The following RAP1GAP2 variants were observed in gnomAD, a reference collection of about 807,000 sequenced individuals.
RAP1GAP2 encodes RAP1 GTPase activating protein 2.
In RAP1GAP2, 27 loss-of-function variants were observed where a neutral mutation model predicts 95.0. The observed-to-expected ratio is 0.28, with a 90% CI of 0.21 to 0.39. The LOEUF (loss-of-function observed/expected upper bound fraction) is 0.39. RAP1GAP2 is among the 10% of genes least tolerant of loss of function. The probability of loss-of-function intolerance (pLI) is 1.00; values close to 1 mark genes in which losing one functional copy is unlikely to be tolerated. For synonymous variants in RAP1GAP2, 373 were observed against 380.9 expected, an observed-to-expected ratio of 0.98 and a Z score of 0.24; for missense variants, 771 against 970.0, an observed-to-expected ratio of 0.79 and a Z score of 2.72.
intron 8 of RAP1GAP2, among the ~76,000 whole-genome samples, chr17:2,967,928 A>T (rs1438929550): frequency 6.6e-6 from 1 of 152,182 alleles, no homozygotes; most frequent in Non-Finnish European, 1.5e-5. Flanking sequence ...AGTAGCCAAG[A>T]AGAATCTACC....
intron 1 of RAP1GAP2, among the ~76,000 whole-genome samples, chr17:2,789,206 CCCA>C (rs1418566826): frequency 2.0e-5 from 3 of 151,988 alleles, no homozygotes; most frequent in African/African-American, 7.3e-5. Context: ...GCCATCATGC[CCCA>C]CTAATTTTTG....
chr17:2,948,537 A>C (rs2043792605), intron 3 of RAP1GAP2, among the ~76,000 whole-genome samples: 1 of 151,214 alleles, frequency 6.6e-6, no homozygotes, highest in Admixed American at 6.6e-5. Context: ...CAGGGAGGGC[A>C]CAGGGTGGTG....
chr17:2,835,266 C>T (rs1186412708), intron 2 of RAP1GAP2, among the ~76,000 whole-genome samples: 1 of 152,112 alleles, frequency 6.6e-6, no homozygotes, highest in Non-Finnish European at 1.5e-5. Context: ...GTCACCCAGG[C>T]TGGAGTGCAT....
At chr17:2,977,907 C>G (rs1289558897) in intron 8 of RAP1GAP2, among the ~76,000 whole-genome samples, 1 of 151,966 alleles carries the variant, frequency 6.6e-6, no homozygotes, top group Non-Finnish European at 1.5e-5. Context: ...AAATAAAATA[C>G]AGTAGTCTCC....
chr17:3,027,416 G>A lies in RAP1GAP2; in HGVS notation c.2107+346G>A, dbSNP rs1019320255. On this transcript the variant is annotated intron_variant, in intron 22 of 24. Coordinates refer to ENST00000254695, the MANE Select transcript of RAP1GAP2 (RefSeq NM_015085.5). This position sits in a 1 kb window ranked among gnomAD's most constrained non-coding sequence, Gnocchi z 5.2. The stretch of plus-strand genomic sequence containing the variant: ...CCAACCCTTCTCCCCACCTGCCAGC[G>A]CTCCAGGGCTGCCAGGGCCCGTCTG... Among the ~76,000 whole-genome samples the A allele has an allele frequency of 3.9e-5, 6 of 152,066 alleles. No homozygotes were observed. Among genetic ancestry groups the A allele is most frequent in the African/African-American group, 1.4e-4 (6 of 41,396 alleles).
rs1380669380 is a variant in RAP1GAP2 at position 2,902,605 on chromosome 17, G to T, written c.81-2679G>T. On this transcript the variant is annotated intron_variant, in intron 2 of 24. Transcript: ENST00000254695. The surrounding 1 kb of genome is among the most constrained non-coding windows in gnomAD (Gnocchi z 4.1). ...AGTCCTGGACACAGCGCTGGAGCTT[G>T]CATGAGGCTGGTCACCACTGGTGCT... is the stretch of plus-strand genomic sequence containing the variant. Among the ~76,000 whole-genome samples, 1 of 152,212 alleles carries T rather than the reference G, an allele frequency of 6.6e-6. No individual in the cohort carries two copies. Among genetic ancestry groups the T allele is most frequent in the East Asian group, 1.9e-4 (1 of 5,190 alleles).
At chr17:2,841,657 C>T (rs2071378447) in intron 2 of RAP1GAP2, among the ~76,000 whole-genome samples, 1 of 152,074 alleles carries the variant, frequency 6.6e-6, no homozygotes, top group East Asian at 1.9e-4. Context: ...TGGTAGATGT[C>T]AGAGAAATGC....
intron 2 of RAP1GAP2, among the ~76,000 whole-genome samples, chr17:2,852,873 C>CGCGACCTT (rs1363170817): frequency 7.9e-5 from 12 of 152,224 alleles, no homozygotes; most frequent in East Asian, 3.9e-4. Context: ...CAGGAGCCGG[C>CGCGACCTT]GCGACCTTCC....
intron 1 of RAP1GAP2, among the ~76,000 whole-genome samples, chr17:2,769,321 C>T (rs1326563334): frequency 1.4e-5 from 2 of 143,556 alleles, no homozygotes; most frequent in Non-Finnish European, 3.0e-5. Context: ...TTTGGGAGGC[C>T]GAGGCGGGCG....
chr17:2,779,401 G>C (rs534160542), intron 1 of RAP1GAP2, among the ~76,000 whole-genome samples: 49 of 152,336 alleles, frequency 3.2e-4, no homozygotes, highest in Non-Finnish European at 5.9e-4. Flanking sequence ...CACTCAAGTG[G>C]AGGTGGGTCC....
chr17:2,898,342 C>G (rs1785452238), intron 2 of RAP1GAP2, among the ~76,000 whole-genome samples: 1 of 152,196 alleles, frequency 6.6e-6, no homozygotes, highest in South Asian at 2.1e-4. Flanking sequence ...GTGCGCAACA[C>G]CTGCTCCTTC....
intron 4 of RAP1GAP2, among the ~76,000 whole-genome samples, chr17:2,959,302 G>C (rs546396915): frequency 1.4e-3 from 217 of 152,292 alleles, no homozygotes; most frequent in African/African-American, 4.8e-3. Flanking sequence ...TGCAGGGCTT[G>C]TCTGTTCATG....
At chr17:2,816,982 C>CT (rs148255771) in intron 2 of RAP1GAP2, among the ~76,000 whole-genome samples, 805 of 48,632 alleles carry the variant, frequency 0.017, 33 homozygotes, top group East Asian at 0.022. Flanking sequence ...TCAGAATTTC[C>CT]TTTTTTTTTT....
rs1208509202 is a variant in RAP1GAP2 at position 2,971,403 on chromosome 17, GA to G, written c.596+5767del. On this transcript the variant is annotated intron_variant, in intron 8 of 24. Coordinates refer to ENST00000254695, the MANE Select transcript of RAP1GAP2 (RefSeq NM_015085.5). Reference sequence around the variant, plus strand: ...TGGGTTGTATTCAAAGCAATACTTAGAAAAAAATTTATTACCTTAAATGGTT... The same window carrying G: ...TGGGTTGTATTCAAAGCAATACTTAGAAAAAATTTATTACCTTAAATGGTT... Among the ~76,000 whole-genome samples the G allele has an allele frequency of 1.1e-4, 17 of 152,052 alleles. No homozygotes were observed. The East Asian group carries it at 3.3e-3, about 29-fold the overall frequency.
In RAP1GAP2 at chr17:2,918,449, A is replaced by AG. The variant is rs1417389747; in HGVS notation, c.165+13081_165+13082insG. Among the ~76,000 whole-genome samples, 12 of 151,776 alleles carry AG rather than the reference A, an allele frequency of 7.9e-5. No individual in the cohort carries two copies. The South Asian group carries it at 1.0e-3, about 13-fold the overall frequency. On this transcript the variant is annotated intron_variant, in intron 3 of 24. Coordinates refer to ENST00000254695, the MANE Select transcript of RAP1GAP2 (RefSeq NM_015085.5). ...CTCCATCTCAAAAAAAAAAAAAAAA[A>AG]AAAAGAAAGGTTTAACTGGCTCACA...
At chr17:2,849,140 A>G (rs1464766465) in intron 2 of RAP1GAP2, among the ~76,000 whole-genome samples, 1 of 152,176 alleles carries the variant, frequency 6.6e-6, no homozygotes, top group Admixed American at 6.5e-5. Context: ...CTCTGTTTAT[A>G]ACCCTTGCGT....
In RAP1GAP2 at chr17:2,858,918, TA is replaced by T. The variant is rs530999484; in HGVS notation, c.81-46359del. ...CAGGAAAAAAAAAGTTAAGAATTCTTAAAAAAACCCCCGTAACACTACCGTT... is the reference window on the plus strand; with the variant it reads ...CAGGAAAAAAAAAGTTAAGAATTCTTAAAAAACCCCCGTAACACTACCGTT... On this transcript the variant is annotated intron_variant, in intron 2 of 24. Transcript: ENST00000254695. 3.9e-3 allele frequency among the ~76,000 whole-genome samples: 594 copies of T among 152,056 alleles called. 1 individual carries two copies. Among genetic ancestry groups the T allele is most frequent in the Non-Finnish European group, 6.7e-3 (458 of 67,960 alleles).
chr17:2,963,937 G>A lies in RAP1GAP2; in HGVS notation c.361G>A (p.Gly121Ser), dbSNP rs1266997630. The A allele has an allele frequency of 1.9e-6, 3 of 1,613,332 alleles. No homozygotes were observed. In the Admixed American group the frequency reaches 5.0e-5, roughly 27 times the overall value. Reference protein sequence around the residue: ...GYWIEDPENVGTPTSLGSSIC... With the variant: ...GYWIEDPENVSTPTSLGSSIC... ...TTGGATCGAGGACCCGGAGAACGTG[G>A]GCACCCCAACATCGCTGGGGAGCAG... The change falls in exon 7 of 25, where the codon GGC becomes AGC. Residue 121 changes from glycine to serine, a missense_variant. Transcript: ENST00000254695. This position sits in a 1 kb window ranked among gnomAD's most constrained non-coding sequence, Gnocchi z 4.8.
chr17:2,906,990 T>G lies in RAP1GAP2; in HGVS notation c.165+1622T>G, dbSNP rs2042218672. Among the ~76,000 whole-genome samples, 1 of 152,146 alleles carries G rather than the reference T, an allele frequency of 6.6e-6. No individual in the cohort carries two copies. The highest frequency in any genetic ancestry group is 2.1e-4 in the South Asian group (1 of 4,828). The stretch of plus-strand genomic sequence containing the variant: ...TCCGCAAGATCAGTCTCATTCTTTC[T>G]CTCTTCTGTGTTGGTTTCATTCTTT... On this transcript the variant is annotated intron_variant, in intron 3 of 24. Transcript: ENST00000254695. This position sits in a 1 kb window ranked among gnomAD's most constrained non-coding sequence, Gnocchi z 4.3.
Sources: allele counts gnomAD v4.1 joint callset (sites outside exome capture counted in the v4.1 genomes callset), GRCh38; gene constraint gnomAD v4.1.1; non-coding constraint Gnocchi (gnomAD v3.1); transcripts MANE v1.5; gene names NCBI Gene and HGNC (gene_info 2026-07-23, HGNC 2026-07-21).